The following GSN variants were observed in gnomAD, a reference collection of about 807,000 sequenced individuals.
GSN encodes actin-depolymerizing factor.
Under a neutral mutation model 85.7 loss-of-function variants are expected in GSN, and 56 were observed. The ratio of observed to expected loss-of-function variants is 0.65; its 90% CI spans 0.53 to 0.82. GSN has a LOEUF of 0.82. Among genes scored for constraint, GSN ranks in the 40% least tolerant of loss-of-function variants. The pLI, the probability that GSN is intolerant of heterozygous loss-of-function variation, is 0.00. For synonymous variants in GSN, 373 were observed against 399.1 expected, an observed-to-expected ratio of 0.93 and a Z score of 0.78; for missense variants, 857 against 979.8, an observed-to-expected ratio of 0.87 and a Z score of 1.67.
chr9:121,310,263 G>T (rs1018520604), intron 4 of GSN: 1 of 296,570 alleles, frequency 3.4e-6, no homozygotes, highest in Non-Finnish European at 6.6e-6. Flanking sequence ...TTATTTGACC[G>T]TGGAACTCTT....
intron 1 of GSN, among the ~76,000 whole-genome samples, chr9:121,273,603 T>C (rs1188671288): frequency 6.6e-6 from 1 of 152,236 alleles, no homozygotes; most frequent in Non-Finnish European, 1.5e-5. Context: ...TCCTTCCTGA[T>C]ATTTTCAGTG....
At position 121,212,963 on chromosome 9, in the gene GSN, A is replaced by G. The variant is rs546426802; in HGVS notation, c.-528+2096A>G. The stretch of plus-strand genomic sequence containing the variant: ...TGCACCTGGCTCTTGCTCTTGACAA[A>G]GATCTTTTTCCCGTCCAGAGATTGG... On this transcript the variant is annotated intron_variant, in intron 4 of 24. Transcript: ENST00000373823. Among the ~76,000 whole-genome samples, 8 of 152,212 alleles carry G rather than the reference A, an allele frequency of 5.3e-5. No individual in the cohort carries two copies. The East Asian group carries it at 1.5e-3, about 29-fold the overall frequency.
At chr9:121,259,863 C>G (rs149712601) in intron 6 of GSN, among the ~76,000 whole-genome samples, 99 of 152,308 alleles carry the variant, frequency 6.5e-4, no homozygotes, top group African/African-American at 2.2e-3. Flanking sequence ...GATTTAACTG[C>G]TTTTCTTCTT....
chr9:121,324,883 G>A (rs112753503), intron 12 of GSN, among the ~76,000 whole-genome samples: 51 of 152,304 alleles, frequency 3.3e-4, no homozygotes, highest in African/African-American at 1.2e-3. Flanking sequence ...TGCCCTAGTG[G>A]ACTTTGCTGT....
chr9:121,263,710 G>A (rs2055135264), upstream of GSN, among the ~76,000 whole-genome samples: 2 of 151,976 alleles, frequency 1.3e-5, no homozygotes. Flanking sequence ...GACCAATATG[G>A]AGAAACCCCG....
At chr9:121,286,150 G>A (rs1357248096) in intron 2 of GSN, 23 of 1,535,330 alleles carry the variant, frequency 1.5e-5, no homozygotes, top group Non-Finnish European at 1.8e-5. Context: ...CGCGATGGCC[G>A]AGGAAGAAGC....
rs750227821 is a variant in GSN, at chr9:121,318,506, AG to A, written c.975+14del. On this transcript the variant is annotated intron_variant, in intron 9 of 17. Coordinates refer to ENST00000432226, the MANE Select transcript of GSN (RefSeq NM_198252.3). This position sits in a 1 kb window ranked among gnomAD's most constrained non-coding sequence, Gnocchi z 4.3. Reference sequence around the variant, plus strand: ...CCAAGCAGACTCAGGTGAGTCTTGGAGGCCAGGTAGGATGGGAAGGGGTGGG... The same window carrying A: ...CCAAGCAGACTCAGGTGAGTCTTGGAGCCAGGTAGGATGGGAAGGGGTGGG... 6.3e-7 allele frequency: 1 copy of A among 1,597,650 alleles called. No homozygotes were observed. The highest frequency in any genetic ancestry group is 1.7e-5 in the Admixed American group (1 of 60,002).
chr9:121,326,732 C>G, intron 13 of GSN, 50 bp downstream of exon 13: 1 of 1,475,132 alleles, frequency 6.8e-7, no homozygotes, highest in South Asian at 1.1e-5. Flanking sequence ...CCTGAAACCT[C>G]CCAGCTCAAT....
chr9:121,310,747 T>C lies in GSN; in HGVS notation c.415T>C (p.Phe139Leu), dbSNP rs764421030. 17 of 1,614,036 alleles carry C rather than the reference T, an allele frequency of 1.1e-5. No homozygotes were observed. The South Asian group carries it at 1.6e-4, about 16-fold the overall frequency. The change falls in exon 5 of 18, where the codon TTC becomes CTC. Residue 139 changes from phenylalanine (F) to leucine (L), a missense_variant. Transcript: ENST00000432226. ...VPNEVVVQRLFQVKGRRVVRA... is the reference protein window; with the variant it reads ...VPNEVVVQRLLQVKGRRVVRA... ...CAACGAGGTGGTGGTGCAGAGACTC[T>C]TCCAGGTCAAAGGGCGGCGTGTGGT...
chr9:121,326,298 C>T (rs954387113), intron 12 of GSN, among the ~76,000 whole-genome samples: 2 of 151,992 alleles, frequency 1.3e-5, no homozygotes, highest in African/African-American at 4.8e-5. Context: ...TGGAGAGCAG[C>T]CCAGCAGCAG....
intron 2 of GSN, chr9:121,286,476 A>G: frequency 1.2e-6 from 1 of 856,086 alleles, no homozygotes; most frequent in Non-Finnish European, 1.7e-6. Flanking sequence ...CACACCCCCA[A>G]GCCTTTGCGT....
intron 5 of GSN, among the ~76,000 whole-genome samples, chr9:121,236,420 A>T (rs1414442883): frequency 6.6e-6 from 1 of 151,978 alleles, no homozygotes; most frequent in Non-Finnish European, 1.5e-5. Context: ...GGGTTTCACC[A>T]CGTTGGCTGG....
chr9:121,305,844 C>T (rs570508766), intron 4 of GSN, among the ~76,000 whole-genome samples: 2 of 152,378 alleles, frequency 1.3e-5, no homozygotes, highest in East Asian at 1.9e-4. Flanking sequence ...CCAAGGTTCT[C>T]GCCCCGGCGC....
At chr9:121,246,045 C>A (rs910850314) in intron 5 of GSN, among the ~76,000 whole-genome samples, 4 of 152,024 alleles carry the variant, frequency 2.6e-5, no homozygotes, top group Non-Finnish European at 4.4e-5. Flanking sequence ...GAACTTGTAC[C>A]TTTTAGAGAT....
intron 2 of GSN, among the ~76,000 whole-genome samples, chr9:121,287,650 T>C (rs1315154597): frequency 2.0e-5 from 3 of 151,936 alleles, no homozygotes; most frequent in Non-Finnish European, 4.4e-5. Context: ...TGCAGAATGC[T>C]TTGGCAGAAT....
At chr9:121,264,497 A>C (rs1208000910), upstream of GSN, among the ~76,000 whole-genome samples, 1 of 152,218 alleles carries the variant, frequency 6.6e-6, no homozygotes, top group Non-Finnish European at 1.5e-5. Flanking sequence ...GTTCGTAAGA[A>C]AACAACACTA....
In GSN at chr9:121,302,894, G is replaced by A. The variant is rs934043205; in HGVS notation, c.197-17G>A. On this transcript the variant is annotated splice_polypyrimidine_tract_variant and intron_variant, in intron 3 of 17. Coordinates refer to ENST00000432226, the MANE Select transcript of GSN (RefSeq NM_198252.3). ...ACTTCTGGAAAGCCAGGCTCATATT[G>A]CTCTGATGTCCCGTAGGCAATGAGT... 3.1e-6 allele frequency: 5 copies of A among 1,612,972 alleles called. No individual in the cohort carries two copies. In the Admixed American group the frequency reaches 6.7e-5, roughly 22 times the overall value.
chr9:121,283,142 C>CT (rs1240236437), intron 2 of GSN: 1 of 167,014 alleles, frequency 6.0e-6, no homozygotes, highest in East Asian at 1.9e-4. Flanking sequence ...TTCCTCTTCT[C>CT]TTTTTAGTTA....
chr9:121,312,502 G>A lies in GSN; in HGVS notation c.663+14G>A. 1 of 1,600,268 alleles carries A rather than the reference G, an allele frequency of 6.2e-7. No homozygotes were observed. Among genetic ancestry groups the A allele is most frequent in the Admixed American group, 1.7e-5 (1 of 59,506 alleles). The stretch of plus-strand genomic sequence containing the variant: ...GCGATGCTCCAGGTGCCTGTGGGGT[G>A]CGCAATGGGGTGGCCATGGGGACAC... On this transcript the variant is annotated intron_variant, in intron 6 of 17. Transcript: ENST00000432226.
Sources: allele counts gnomAD v4.1 joint callset (sites outside exome capture counted in the v4.1 genomes callset), GRCh38; gene constraint gnomAD v4.1.1; non-coding constraint Gnocchi (gnomAD v3.1); transcripts MANE v1.5; gene names NCBI Gene and HGNC (gene_info 2026-07-23, HGNC 2026-07-21).